The following KAT6A variants were observed in gnomAD, a reference collection of about 807,000 sequenced individuals.
The protein encoded by KAT6A is lysine acetyltransferase 6A, also known as histone acetyltransferase KAT6A.
KAT6A carries 9 observed loss-of-function variants against 198.4 expected under a neutral mutation model. That is an observed-to-expected ratio of 0.05 (90% confidence interval 0.03 to 0.08). KAT6A has a LOEUF of 0.08. Ranked by LOEUF, KAT6A falls within the 10% of genes least tolerant of loss-of-function variation. KAT6A has a pLI of 1.00. For synonymous variants in KAT6A, 890 were observed against 883.0 expected (o/e 1.01, Z -0.14); for missense variants, 2,077 against 2,509.9 (o/e 0.83, Z 3.69).
At chr8:42,017,238 T>C (rs532027462) in intron 2 of KAT6A, among the ~76,000 whole-genome samples, 4 of 152,326 alleles carry the variant, frequency 2.6e-5, no homozygotes, top group African/African-American at 9.6e-5. Flanking sequence ...ATTGAGATAG[T>C]AGAAGTCTGG....
intron 16 of KAT6A, among the ~76,000 whole-genome samples, chr8:41,935,403 T>C (rs756600564): frequency 6.6e-6 from 1 of 152,230 alleles, no homozygotes; most frequent in Non-Finnish European, 1.5e-5. Flanking sequence ...CCATCGTATG[T>C]GAACAGTTGT....
At position 41,942,880 on chromosome 8, in the gene KAT6A, G is replaced by A; in HGVS notation, c.2349C>T (p.Asn783=). 5.0e-6 allele frequency: 8 copies of A among 1,614,114 alleles called. No individual in the cohort carries two copies. The highest frequency in any genetic ancestry group is 1.3e-5 in the African/African-American group (1 of 75,016). Residue 783 remains asparagine (N), a synonymous_variant, in exon 14 of 17, where the codon AAC becomes AAT. Coordinates refer to ENST00000265713, the MANE Select transcript of KAT6A (RefSeq NM_006766.5). ...CTTCTTCCTCCTCTGAGACCACAGA[G>A]TTGGACACTATGACTGGAGTCCAGC... ...CLRWTPVIVS[N]SVVSEEEEEE... is the part of the protein sequence containing the mutation.
rs759476432 is a variant in KAT6A at position 41,978,789 on chromosome 8, T to A, written c.908-12A>T. The A allele has an allele frequency of 6.2e-7, 1 of 1,611,290 alleles. No homozygotes were observed. Among genetic ancestry groups the A allele is most frequent in the East Asian group, 2.2e-5 (1 of 44,834 alleles). On this transcript the variant is annotated splice_polypyrimidine_tract_variant and intron_variant, in intron 5 of 16. Coordinates refer to ENST00000265713, the MANE Select transcript of KAT6A (RefSeq NM_006766.5). Reference sequence around the variant, plus strand: ...ACATATCCACATGCCTATAAAAAAATAAAATTCCACATAGAAGTGTGACAG... The same window carrying A: ...ACATATCCACATGCCTATAAAAAAAAAAAATTCCACATAGAAGTGTGACAG...
rs1821445465 is a variant in KAT6A, at chr8:41,930,006, G to A, written c.*2199C>T. The A allele has an allele frequency of 4.5e-6, 1 of 222,480 alleles. No individual in the cohort carries two copies. Among genetic ancestry groups the A allele is most frequent in the South Asian group, 1.8e-4 (1 of 5,428 alleles). The allele number at this position is 222,480 out of a possible 1,614,324, so 13.8% of individuals were successfully genotyped here. A position where few individuals can be genotyped will look rare whatever the true frequency, so the allele number is the denominator to read the frequency against. On this transcript the variant is annotated 3_prime_UTR_variant, in exon 17 of 17. Transcript: ENST00000265713. ...TTAAACAGAAGTGAAAAAATGACAGGTACCAATATTACTGTGTTGGATAAT... is the reference window on the plus strand; with the variant it reads ...TTAAACAGAAGTGAAAAAATGACAGATACCAATATTACTGTGTTGGATAAT...
intron 8 of KAT6A, among the ~76,000 whole-genome samples, chr8:41,963,520 AGTCT>A (rs1823310023): frequency 2.0e-5 from 3 of 152,180 alleles, no homozygotes; most frequent in South Asian, 4.1e-4. Flanking sequence ...TTCTATCTTA[AGTCT>A]TTCTCAAAAC....
rs955980788 is a variant in KAT6A at position 42,018,783 on chromosome 8, G to A, written c.600+29595C>T. 1.5e-4 allele frequency among the ~76,000 whole-genome samples: 23 copies of A among 152,022 alleles called. 2 individuals are homozygous for A. Among genetic ancestry groups the A allele is most frequent in the East Asian group, 3.9e-4 (2 of 5,168 alleles). ...ACTAAAATTACAAAATTAGCTGGGC[G>A]TGGTGGCCACCCCTATAATCCCAGC... On this transcript the variant is annotated intron_variant, in intron 2 of 16. Transcript: ENST00000265713.
chr8:41,960,613 CT>C (rs1823160731), intron 8 of KAT6A, among the ~76,000 whole-genome samples: 1 of 150,150 alleles, frequency 6.7e-6, no homozygotes, highest in Admixed American at 6.6e-5. Flanking sequence ...TTTCAGGATT[CT>C]GGATATTGTG....
intron 3 of KAT6A, among the ~76,000 whole-genome samples, chr8:41,984,929 G>A (rs1156411977): frequency 1.3e-5 from 2 of 150,034 alleles, no homozygotes; most frequent in Non-Finnish European, 3.0e-5. Context: ...CTTGCAGTGA[G>A]CCGAGATCAC....
chr8:41,943,692 C>A (rs1178022868), intron 13 of KAT6A, 56 bp downstream of exon 13: 2 of 1,257,870 alleles, frequency 1.6e-6, no homozygotes, highest in Non-Finnish European at 1.2e-6. Flanking sequence ...CTGGCTGATC[C>A]AAAAAACTTC....
intron 2 of KAT6A, 21 bp from the exon 3 acceptor site, chr8:41,987,584 C>G: frequency 7.7e-7 from 1 of 1,304,128 alleles, no homozygotes; most frequent in Non-Finnish European, 1.1e-6. Context: ...AAACACAATT[C>G]ATTCCAGTAC....
chr8:42,012,499 T>C (rs575057289), intron 2 of KAT6A, among the ~76,000 whole-genome samples: 1 of 152,292 alleles, frequency 6.6e-6, no homozygotes, highest in East Asian at 1.9e-4. Flanking sequence ...GAAGACATGA[T>C]GTGAAGAGGC....
intron 2 of KAT6A, among the ~76,000 whole-genome samples, chr8:42,000,376 C>G (rs1825428864): frequency 6.6e-6 from 1 of 151,956 alleles, no homozygotes; most frequent in South Asian, 2.1e-4. Context: ...CCTGGTGAAG[C>G]CTCGTCTCTA....
In KAT6A at chr8:42,002,588, CA is replaced by C. The variant is rs1825550009; in HGVS notation, c.601-15026del. On this transcript the variant is annotated intron_variant, in intron 2 of 16. Coordinates refer to ENST00000265713, the MANE Select transcript of KAT6A (RefSeq NM_006766.5). ...AACAAACAACAAAAACAGAACGAAA[CA>C]AAACAAAACAAAAAACCCACACATA... Among the ~76,000 whole-genome samples, 5 of 152,054 alleles carry C rather than the reference CA, an allele frequency of 3.3e-5. No homozygotes were observed. In the South Asian group the frequency reaches 1.0e-3, roughly 32 times the overall value.
intron 2 of KAT6A, among the ~76,000 whole-genome samples, chr8:41,990,863 C>T (rs1041930254): frequency 3.9e-5 from 6 of 151,948 alleles, no homozygotes; most frequent in African/African-American, 4.8e-5. Flanking sequence ...GGCATGGTGG[C>T]GGGCATCTGT....
chr8:41,987,958 GAC>G (rs1426616684), intron 2 of KAT6A, among the ~76,000 whole-genome samples: 2 of 152,204 alleles, frequency 1.3e-5, no homozygotes, highest in African/African-American at 4.8e-5. Flanking sequence ...CAAGTAAACA[GAC>G]ACAGTGACTC....
rs1827029864 is a variant in KAT6A, at chr8:42,030,123, A to C, written c.600+18255T>G. 2.0e-5 allele frequency among the ~76,000 whole-genome samples: 3 copies of C among 152,140 alleles called. No homozygotes were observed. The South Asian group carries it at 6.2e-4, about 32-fold the overall frequency. On this transcript the variant is annotated intron_variant, in intron 2 of 16. Coordinates refer to ENST00000265713, the MANE Select transcript of KAT6A (RefSeq NM_006766.5). ...AAAGATGTGGTCTAATAGGGGCTGGACTGTCAAAATGGCACCCTGCTGCAG... is the reference window on the plus strand; with the variant it reads ...AAAGATGTGGTCTAATAGGGGCTGGCCTGTCAAAATGGCACCCTGCTGCAG...
At chr8:42,011,824 A>G (rs1466734856) in intron 2 of KAT6A, among the ~76,000 whole-genome samples, 1 of 151,942 alleles carries the variant, frequency 6.6e-6, no homozygotes, top group African/African-American at 2.4e-5. Flanking sequence ...AAAAGCACAA[A>G]TATCTTCCCA....
intron 2 of KAT6A, among the ~76,000 whole-genome samples, chr8:41,995,504 A>G (rs1825152235): frequency 6.6e-6 from 1 of 152,154 alleles, no homozygotes; most frequent in Non-Finnish European, 1.5e-5. Flanking sequence ...TCTGACTTGA[A>G]CTTTTAAAAA....
chr8:41,961,228 C>A (rs1231255024), intron 8 of KAT6A, among the ~76,000 whole-genome samples: 2 of 152,250 alleles, frequency 1.3e-5, no homozygotes, highest in African/African-American at 4.8e-5. Flanking sequence ...CCACCCACAT[C>A]TGTCTGCCTC....
Sources: gnomAD v4.1 joint callset for allele counts (sites outside exome capture counted in the v4.1 genomes callset) on GRCh38, gnomAD v4.1.1 for gene constraint, MANE v1.5 for transcripts, NCBI Gene and HGNC (gene_info 2026-07-23, HGNC 2026-07-21) for gene names.